The following MBP variants were observed in gnomAD, a reference collection of about 807,000 sequenced individuals.
MBP encodes myelin basic protein.
In MBP, 16 loss-of-function variants were observed where a neutral mutation model predicts 35.8. The ratio of observed to expected loss-of-function variants is 0.45; its 90% CI spans 0.30 to 0.68. The LOEUF (loss-of-function observed/expected upper bound fraction) is 0.68. MBP is among the 30% of genes least tolerant of loss of function. The probability of loss-of-function intolerance (pLI) is 0.08; values close to 1 mark genes in which losing one functional copy is unlikely to be tolerated. For missense variants in MBP, 380 were observed against 404.7 expected, an observed-to-expected ratio of 0.94 and a Z score of 0.52; for synonymous variants, 143 against 159.6, an observed-to-expected ratio of 0.90 and a Z score of 0.78.
chr18:76,979,549 C>T lies in MBP; in HGVS notation c.*878G>A, dbSNP rs1480014952. 6 of 219,622 alleles carry T rather than the reference C, an allele frequency of 2.7e-5. No homozygotes were observed. Among genetic ancestry groups the T allele is most frequent in the East Asian group, 2.6e-4 (2 of 7,756 alleles). The allele number at this position is 219,622 out of a possible 1,614,324, so 13.6% of individuals were successfully genotyped here. ...GACTCCTACCCTTCTGCTCTGAGTGCGCAAGTCTTCCTGGACTCTCCGGCT... is the reference window on the plus strand; with the variant it reads ...GACTCCTACCCTTCTGCTCTGAGTGTGCAAGTCTTCCTGGACTCTCCGGCT... On this transcript the variant is annotated 3_prime_UTR_variant, in exon 9 of 9. Coordinates refer to ENST00000355994, the MANE Select transcript of MBP (RefSeq NM_001025101.2).
intron 3 of MBP, among the ~76,000 whole-genome samples, chr18:77,056,816 G>C (rs1973744379): frequency 6.6e-6 from 1 of 152,134 alleles, no homozygotes; most frequent in East Asian, 1.9e-4. Flanking sequence ...CTGCACAGGG[G>C]AACCGAGTCC....
At chr18:77,039,227 C>A (rs58134846) in intron 3 of MBP, among the ~76,000 whole-genome samples, 4 of 152,146 alleles carry the variant, frequency 2.6e-5, no homozygotes, top group African/African-American at 9.6e-5. Flanking sequence ...CTGTCTGGCC[C>A]TTTATGGAGA....
chr18:76,985,465 T>G, intron 7 of MBP: 1 of 1,188,254 alleles, frequency 8.4e-7, no homozygotes, highest in Non-Finnish European at 1.1e-6. Context: ...CTTAGTAAAA[T>G]GTCGAGCCTC....
intron 3 of MBP, among the ~76,000 whole-genome samples, chr18:77,019,128 T>G (rs1054648332): frequency 3.9e-5 from 6 of 152,058 alleles, no homozygotes; most frequent in Non-Finnish European, 7.3e-5. Context: ...TCTAAATATC[T>G]GAGTTACAGT....
chr18:77,029,754 G>A (rs2123601285), intron 3 of MBP, among the ~76,000 whole-genome samples: 1 of 151,524 alleles, frequency 6.6e-6, no homozygotes, highest in South Asian at 2.1e-4. Context: ...AGTTTTGAGT[G>A]TTCTATGTTC....
intron 3 of MBP, among the ~76,000 whole-genome samples, chr18:77,052,395 C>A (rs1329278282): frequency 1.3e-5 from 2 of 152,174 alleles, no homozygotes; most frequent in Non-Finnish European, 2.9e-5. Flanking sequence ...TGTCTGAGCT[C>A]CCCGGGTCCC....
intron 4 of MBP, among the ~76,000 whole-genome samples, chr18:77,012,127 A>G (rs1385073396): frequency 6.6e-6 from 1 of 152,252 alleles, no homozygotes; most frequent in Non-Finnish European, 1.5e-5. Flanking sequence ...ATCCAAGCCA[A>G]TCACTTATCT....
intron 1 of MBP, among the ~76,000 whole-genome samples, 151 bp from the exon 2 acceptor site, chr18:77,105,437 CAA>C (rs1306178595): frequency 3.3e-5 from 5 of 152,170 alleles, no homozygotes; most frequent in African/African-American, 1.2e-4. Context: ...GAGACACGTC[CAA>C]GTCATCTTAT....
At chr18:77,116,659 G>A (rs950661655) in intron 1 of MBP, among the ~76,000 whole-genome samples, 4 of 152,162 alleles carry the variant, frequency 2.6e-5, no homozygotes, top group African/African-American at 9.6e-5. Flanking sequence ...AGTAATGCGT[G>A]ACCAGCCTGG....
rs958875297 is a variant in MBP at position 76,984,980 on chromosome 18, G to A, written c.751-86C>T. On this transcript the variant is annotated intron_variant, in intron 7 of 8. Transcript: ENST00000355994. ...CACTGGGAGCTGCCACCAGGGCCCCGGGGAAGGGCCCAGGCCCCGGACTGG... is the reference window on the plus strand; with the variant it reads ...CACTGGGAGCTGCCACCAGGGCCCCAGGGAAGGGCCCAGGCCCCGGACTGG... 41 of 1,575,642 alleles carry A rather than the reference G, an allele frequency of 2.6e-5. 1 individual carries two copies. In the Admixed American group the frequency reaches 4.6e-4, roughly 18 times the overall value.
chr18:77,067,662 CCAG>C (rs1212810876), intron 2 of MBP, among the ~76,000 whole-genome samples: 1 of 152,196 alleles, frequency 6.6e-6, no homozygotes, highest in African/African-American at 2.4e-5. Flanking sequence ...GTGCTACCCA[CCAG>C]CAGCACCGGG....
chr18:77,028,597 G>A (rs1475623136), intron 3 of MBP, among the ~76,000 whole-genome samples: 8 of 82,454 alleles, frequency 9.7e-5, no homozygotes, highest in African/African-American at 2.4e-4. Context: ...CCTCCCGGAC[G>A]GGGCGGCTGG....
intron 1 of MBP, among the ~76,000 whole-genome samples, chr18:77,105,582 T>C (rs745828032): frequency 6.7e-6 from 1 of 148,596 alleles, no homozygotes. Flanking sequence ...TACAGAAATA[T>C]CTATCTATTC....
In MBP at chr18:77,020,026, G is replaced by C. The variant is rs1347295465; in HGVS notation, c.140-2758C>G. Among the ~76,000 whole-genome samples, 1 of 152,196 alleles carries C rather than the reference G, an allele frequency of 6.6e-6. No homozygotes were observed. Among genetic ancestry groups the C allele is most frequent in the African/African-American group, 2.4e-5 (1 of 41,436 alleles). ...GATGGCTGTGAACAGACTGTGGAAA[G>C]GGCAGAGCAGGCAGCTATGTGGCGA... On this transcript the variant is annotated intron_variant, in intron 3 of 8. Coordinates refer to ENST00000355994, the MANE Select transcript of MBP (RefSeq NM_001025101.2). This position sits in a 1 kb window ranked among gnomAD's most constrained non-coding sequence, Gnocchi z 4.1.
chr18:76,989,723 G>A lies in MBP; in HGVS notation c.681+233C>T. ...GGGAGCCTAATCTCAAGAGAAGTGA[G>A]CTCTCTGGAGAACGCACGGAGCGCA... is the stretch of plus-strand genomic sequence containing the variant. On this transcript the variant is annotated intron_variant, in intron 5 of 8. Transcript: ENST00000355994. The surrounding 1 kb of genome is among the most constrained non-coding windows in gnomAD (Gnocchi z 4.0). The A allele has an allele frequency of 2.0e-6, 1 of 504,604 alleles. No individual in the cohort carries two copies. Among genetic ancestry groups the A allele is most frequent in the Admixed American group, 3.6e-5 (1 of 27,880 alleles). 31.3% of individuals were successfully genotyped at this position (504,604 alleles called of 1,614,324 possible).
intron 3 of MBP, among the ~76,000 whole-genome samples, chr18:77,036,130 G>A (rs924612827): frequency 6.9e-6 from 1 of 145,432 alleles, no homozygotes; most frequent in African/African-American, 2.5e-5. Flanking sequence ...ACATTTTGGA[G>A]GACTGAGCTG....
chr18:77,077,888 A>G (rs897339258), intron 2 of MBP, among the ~76,000 whole-genome samples: 3 of 152,260 alleles, frequency 2.0e-5, no homozygotes, highest in African/African-American at 7.2e-5. Flanking sequence ...GGGAGAGTGC[A>G]GGTCTTATAT....
chr18:77,106,654 G>T (rs557613751), intron 1 of MBP, among the ~76,000 whole-genome samples: 1 of 152,184 alleles, frequency 6.6e-6, no homozygotes, highest in East Asian at 1.9e-4. Context: ...CACAGATGAG[G>T]CTCTGCGAAA....
intron 2 of MBP, among the ~76,000 whole-genome samples, chr18:77,073,096 T>G (rs1050921242): frequency 7.2e-5 from 11 of 152,222 alleles, no homozygotes; most frequent in Non-Finnish European, 1.6e-4. Flanking sequence ...TTTGTCAGGA[T>G]CCAGCATCTG....
Sources: allele counts gnomAD v4.1 joint callset (sites outside exome capture counted in the v4.1 genomes callset), GRCh38; gene constraint gnomAD v4.1.1; non-coding constraint Gnocchi (gnomAD v3.1); transcripts MANE v1.5; gene names NCBI Gene and HGNC (gene_info 2026-07-23, HGNC 2026-07-21).